RFX7: variants seen among roughly 807,000 people sequenced by gnomAD.
RFX7 encodes the protein regulatory factor X7.
Under a neutral mutation model 111.8 loss-of-function variants are expected in RFX7, and 26 were observed. That is an observed-to-expected ratio of 0.23 (90% confidence interval 0.17 to 0.32). The LOEUF (loss-of-function observed/expected upper bound fraction) is 0.32, where lower values mean the gene tolerates loss of function less well. Ranked by LOEUF, RFX7 falls within the 10% of genes least tolerant of loss-of-function variation. RFX7 has a pLI of 1.00. For synonymous variants in RFX7, 624 were observed against 624.4 expected, an observed-to-expected ratio of 1.00 and a Z score of 0.01; for missense variants, 1,573 against 1,772.9, an observed-to-expected ratio of 0.89 and a Z score of 2.02.
rs562586365 is a variant in RFX7 at position 56,116,193 on chromosome 15, A to G, written c.402-12523T>C. ...TAAATTCAAATTTTCACAAGGTTGT[A>G]TACATGAAAACAAAAAAAGCCAAGA... On this transcript the variant is annotated intron_variant, in intron 5 of 9. Transcript: ENST00000559447. Among the ~76,000 whole-genome samples the G allele has an allele frequency of 2.0e-4, 30 of 152,348 alleles. 1 individual carries two copies. Among genetic ancestry groups the G allele is most frequent in the African/African-American group, 7.2e-4 (30 of 41,586 alleles).
intron 5 of RFX7, among the ~76,000 whole-genome samples, chr15:56,113,079 T>C (rs2041961144): frequency 6.6e-6 from 1 of 152,226 alleles, no homozygotes; most frequent in African/African-American, 2.4e-5. Flanking sequence ...TCAACCATTG[T>C]GGAAGACAGT....
At chr15:56,116,204 CAAAA>C (rs757916327) in intron 5 of RFX7, among the ~76,000 whole-genome samples, 2 of 151,790 alleles carry the variant, frequency 1.3e-5, no homozygotes, top group Admixed American at 6.6e-5. Flanking sequence ...TACATGAAAA[CAAAA>C]AAAGCCAAGA....
intron 5 of RFX7, among the ~76,000 whole-genome samples, chr15:56,125,756 T>C (rs138830485): frequency 2.0e-5 from 3 of 152,220 alleles, no homozygotes; most frequent in Non-Finnish European, 4.4e-5. Flanking sequence ...TACAAAAGGA[T>C]AGTAGGCAAA....
At chr15:56,234,734 T>C (rs532497562) in intron 2 of RFX7, among the ~76,000 whole-genome samples, 5 of 152,364 alleles carry the variant, frequency 3.3e-5, no homozygotes, top group East Asian at 1.9e-4. Context: ...TGTTGCCATA[T>C]AGAAATAACA....
intron 2 of RFX7, among the ~76,000 whole-genome samples, chr15:56,219,265 C>A (rs1194291432): frequency 6.6e-6 from 1 of 152,114 alleles, no homozygotes. Flanking sequence ...TAATCTTTAT[C>A]CTGAAGACTA....
At chr15:56,160,323 T>A (rs529987101) in intron 3 of RFX7, among the ~76,000 whole-genome samples, 1 of 152,224 alleles carries the variant, frequency 6.6e-6, no homozygotes, top group East Asian at 1.9e-4. Context: ...CCATGAAACT[T>A]TTCTTTTCAG....
chr15:56,214,878 A>G (rs533730109), intron 2 of RFX7, among the ~76,000 whole-genome samples: 139 of 152,332 alleles, frequency 9.1e-4, no homozygotes, highest in African/African-American at 3.1e-3. Context: ...AATTCTGTGT[A>G]GATTGAGTTT....
intron 5 of RFX7, among the ~76,000 whole-genome samples, chr15:56,115,308 A>G (rs1169100275): frequency 6.6e-6 from 1 of 152,158 alleles, no homozygotes; most frequent in African/African-American, 2.4e-5. Context: ...CGCTGGGATT[A>G]CAGGGGTGAG....
intron 8 of RFX7, among the ~76,000 whole-genome samples, chr15:56,099,512 T>C (rs2041725895): frequency 6.6e-6 from 1 of 152,146 alleles, no homozygotes; most frequent in South Asian, 2.1e-4. Context: ...TGCCAATGGC[T>C]CATAGCTTGG....
chr15:56,163,135 A>G (rs1208327406), intron 3 of RFX7, among the ~76,000 whole-genome samples: 3 of 152,162 alleles, frequency 2.0e-5, no homozygotes, highest in African/African-American at 7.2e-5. Context: ...TTTAGTATTC[A>G]TTAAAGCAAG....
At chr15:56,142,013 A>G (rs758219975) in intron 5 of RFX7, among the ~76,000 whole-genome samples, 9 of 152,142 alleles carry the variant, frequency 5.9e-5, no homozygotes, top group Non-Finnish European at 8.8e-5. Flanking sequence ...CTGGTTAGCA[A>G]TAGCACTTAT....
In RFX7 at chr15:56,089,029, C is replaced by A. The variant is rs1402335976; in HGVS notation, c.*4316G>T. The stretch of plus-strand genomic sequence containing the variant: ...ACTGGTTGCCTCCCAAAGAGCAAGT[C>A]CCTAATATCTTCCCTAGGTGATGGA... On this transcript the variant is annotated 3_prime_UTR_variant, in exon 10 of 10. Transcript: ENST00000559447. The A allele has an allele frequency of 6.6e-6, 1 of 152,118 alleles. No individual in the cohort carries two copies. Among genetic ancestry groups the A allele is most frequent in the Admixed American group, 6.6e-5 (1 of 15,254 alleles). The allele number at this position is 152,118 out of a possible 1,614,324, so 9.4% of individuals were successfully genotyped here.
In RFX7 at chr15:56,198,632, A is replaced by T. The variant is rs187956459; in HGVS notation, c.162-19329T>A. Among the ~76,000 whole-genome samples the T allele has an allele frequency of 7.4e-3, 1,120 of 152,230 alleles. 7 individuals carry two copies. The highest frequency in any genetic ancestry group is 0.014 in the Admixed American group (221 of 15,288). ...AACAAATAAAAAACTTCAAGAAAAA[A>T]TTTTTTAAAGGGATCTACAGTTTGA... On this transcript the variant is annotated intron_variant, in intron 2 of 9. Transcript: ENST00000559447.
At chr15:56,109,843 C>T (rs1237477167) in intron 5 of RFX7, among the ~76,000 whole-genome samples, 2 of 151,284 alleles carry the variant, frequency 1.3e-5, no homozygotes, top group African/African-American at 4.9e-5. Context: ...GGAGCCCCTC[C>T]GCCCGGCAGC....
At chr15:56,214,832 C>T (rs1391522746) in intron 2 of RFX7, among the ~76,000 whole-genome samples, 3 of 151,796 alleles carry the variant, frequency 2.0e-5, no homozygotes, top group African/African-American at 4.8e-5. Flanking sequence ...TTATTGTATA[C>T]AGAAATGCAA....
intron 5 of RFX7, among the ~76,000 whole-genome samples, chr15:56,142,552 T>C (rs1180042298): frequency 6.6e-6 from 1 of 152,202 alleles, no homozygotes; most frequent in Non-Finnish European, 1.5e-5. Flanking sequence ...CTCCCTCCTG[T>C]CATCCTGAAG....
Position 56,114,213 on chromosome 15 carries a change from G to C in RFX7, c.402-10543C>G, listed in dbSNP as rs537773170. On this transcript the variant is annotated intron_variant, in intron 5 of 9. Coordinates refer to ENST00000559447, the MANE Select transcript of RFX7 (RefSeq NM_022841.7). ...GAGCTCAGGAGTTCAGGACCAGCCT[G>C]GGCAACCTGGTGAAACCCTGTCTCT... Among the ~76,000 whole-genome samples, 7 of 152,078 alleles carry C rather than the reference G, an allele frequency of 4.6e-5. No homozygotes were observed. The South Asian group carries it at 1.5e-3, about 32-fold the overall frequency.
intron 2 of RFX7, among the ~76,000 whole-genome samples, chr15:56,208,606 C>G (rs2043279528): frequency 6.6e-6 from 1 of 152,110 alleles, no homozygotes; most frequent in Admixed American, 6.6e-5. Context: ...TTGCAATTAT[C>G]AGACCAGGAA....
chr15:56,131,132 G>C (rs1271227647), intron 5 of RFX7, among the ~76,000 whole-genome samples: 1 of 151,336 alleles, frequency 6.6e-6, no homozygotes, highest in Admixed American at 6.6e-5. Context: ...GAAAATTACA[G>C]ACCAAATTCA....
Sources: gnomAD v4.1 joint callset for allele counts (sites outside exome capture counted in the v4.1 genomes callset) on GRCh38, gnomAD v4.1.1 for gene constraint, MANE v1.5 for transcripts, NCBI Gene and HGNC (gene_info 2026-07-23, HGNC 2026-07-21) for gene names.